Variants in PRKD1 observed in about 807,000 individuals in gnomAD.
PRKD1 encodes protein kinase D1, also known as serine/threonine-protein kinase D1.
A neutral mutation model predicts 95.9 loss-of-function variants in PRKD1; 63 were observed. That is an observed-to-expected ratio of 0.66 (90% confidence interval 0.54 to 0.81). The LOEUF is 0.81. Ranked by LOEUF, PRKD1 falls within the 30% of genes least tolerant of loss-of-function variation. PRKD1 has a pLI of 0.00. For missense variants in PRKD1, 1,048 were observed against 1,165.3 expected, an observed-to-expected ratio of 0.90 and a Z score of 1.47; for synonymous variants, 425 against 423.1, an observed-to-expected ratio of 1.00 and a Z score of -0.05.
chr14:29,847,106 G>A (rs1310030745), intron 1 of PRKD1, among the ~76,000 whole-genome samples: 1 of 152,114 alleles, frequency 6.6e-6, no homozygotes, highest in East Asian at 1.9e-4. Context: ...CTAACATTAT[G>A]CATTAGCTTC....
At chr14:29,669,971 C>T (rs1448449001) in intron 2 of PRKD1, among the ~76,000 whole-genome samples, 1 of 152,202 alleles carries the variant, frequency 6.6e-6, no homozygotes, top group Non-Finnish European at 1.5e-5. Flanking sequence ...GATCACTACT[C>T]ACAATCAGTT....
chr14:29,646,318 C>G (rs1594391671), intron 4 of PRKD1, among the ~76,000 whole-genome samples: 1 of 152,158 alleles, frequency 6.6e-6, no homozygotes, highest in East Asian at 1.9e-4. Context: ...CAAGTATTTG[C>G]TATCACAACA....
chr14:29,892,991 T>G (rs963475250), intron 1 of PRKD1, among the ~76,000 whole-genome samples: 28 of 152,210 alleles, frequency 1.8e-4, no homozygotes, highest in African/African-American at 6.8e-4. Flanking sequence ...CTCTATGAAT[T>G]TGAAACCCTT....
intron 13 of PRKD1, 85 bp downstream of exon 13, chr14:29,624,066 GT>G (rs1879454846): frequency 2.1e-6 from 2 of 954,516 alleles, no homozygotes; most frequent in African/African-American, 1.7e-5. Flanking sequence ...TATGCCACAG[GT>G]TTTTAGAGAA....
At chr14:29,682,232 A>G (rs1457261263) in intron 2 of PRKD1, among the ~76,000 whole-genome samples, 5 of 152,214 alleles carry the variant, frequency 3.3e-5, no homozygotes, top group African/African-American at 9.6e-5. Context: ...GGGAATATCA[A>G]CGTGGCTTGG....
intron 13 of PRKD1, among the ~76,000 whole-genome samples, chr14:29,605,381 C>A (rs1036696163): frequency 5.3e-5 from 8 of 152,160 alleles, no homozygotes; most frequent in Middle Eastern, 3.2e-3. Context: ...TGTCTCTTCA[C>A]CCAAATATCC....
intron 1 of PRKD1, among the ~76,000 whole-genome samples, chr14:29,837,875 T>C (rs1891671477): frequency 1.3e-5 from 2 of 152,212 alleles, no homozygotes; most frequent in South Asian, 4.1e-4. Context: ...AGCATTGCTG[T>C]AAAAAGCTTT....
intron 2 of PRKD1, among the ~76,000 whole-genome samples, chr14:29,679,478 C>T (rs1196585290): frequency 1.3e-5 from 2 of 152,098 alleles, no homozygotes. Flanking sequence ...ACAGCATCCT[C>T]CAGCATATTT....
intron 1 of PRKD1, among the ~76,000 whole-genome samples, chr14:29,883,948 C>A (rs1893605850): frequency 6.6e-6 from 1 of 152,158 alleles, no homozygotes; most frequent in Admixed American, 6.5e-5. Context: ...TTAACCTCCC[C>A]ATATGGTTGA....
chr14:29,578,366 A>G lies in PRKD1; in HGVS notation c.2435-6T>C. On this transcript the variant is annotated splice_region_variant and splice_polypyrimidine_tract_variant and intron_variant, in intron 16 of 17. Transcript: ENST00000331968. The stretch of plus-strand genomic sequence containing the variant: ...ATTGTTGATAAGATCAATGGCTGAA[A>G]AAAATTACCAGTAAAAATAGATGAC... 1 of 1,595,426 alleles carries G rather than the reference A, an allele frequency of 6.3e-7. No homozygotes were observed. Among genetic ancestry groups the G allele is most frequent in the East Asian group, 2.2e-5 (1 of 44,608 alleles).
chr14:29,860,226 A>G (rs1892658031), intron 1 of PRKD1, among the ~76,000 whole-genome samples: 1 of 152,242 alleles, frequency 6.6e-6, no homozygotes, highest in Non-Finnish European at 1.5e-5. Flanking sequence ...TAAAACAGGC[A>G]CCTTGTTTTT....
intron 4 of PRKD1, among the ~76,000 whole-genome samples, chr14:29,649,333 G>A (rs888250880): frequency 6.6e-6 from 1 of 152,158 alleles, no homozygotes; most frequent in Admixed American, 6.5e-5. Context: ...CCCTCCAGTG[G>A]TTCTTGCAAA....
intron 1 of PRKD1, among the ~76,000 whole-genome samples, chr14:29,885,718 G>A (rs1893677879): frequency 6.7e-6 from 1 of 148,780 alleles, no homozygotes; most frequent in African/African-American, 2.5e-5. Context: ...TTAATCCCCA[G>A]CATTTCGGAA....
Position 29,584,291 on chromosome 14 carries a change from T to C in PRKD1, c.2435-5931A>G, listed in dbSNP as rs950562307. ...GTGTAGATACAAAAGGTGTTTTGTA[T>C]GCAGAAGGTAGATTTACAGGTGTCA... On this transcript the variant is annotated intron_variant, in intron 16 of 17. Coordinates refer to ENST00000331968, the MANE Select transcript of PRKD1 (RefSeq NM_002742.3). Among the ~76,000 whole-genome samples the C allele has an allele frequency of 8.6e-5, 13 of 151,838 alleles. No individual in the cohort carries two copies. The East Asian group carries it at 1.2e-3, about 14-fold the overall frequency.
intron 1 of PRKD1, among the ~76,000 whole-genome samples, chr14:29,745,371 C>T (rs934455519): frequency 4.6e-5 from 7 of 152,132 alleles, no homozygotes; most frequent in Admixed American, 1.3e-4. Context: ...TCTGGTACAC[C>T]GTACATGCTC....
rs376089491 is a variant in PRKD1, at chr14:29,576,828, C to A, written c.*410G>T. 9.9e-6 allele frequency: 2 copies of A among 202,976 alleles called. No individual in the cohort carries two copies. The highest frequency in any genetic ancestry group is 1.1e-4 in the East Asian group (1 of 9,114). The allele number at this position is 202,976 out of a possible 1,614,324, so 12.6% of individuals were successfully genotyped here. A position where few individuals can be genotyped will look rare whatever the true frequency, so the allele number is the denominator to read the frequency against. On this transcript the variant is annotated 3_prime_UTR_variant, in exon 18 of 18. Transcript: ENST00000331968. ...TTGTTCATAGAACACTGGAAATAAT[C>A]GACTCTTCAAGAGTTTGTTTACAAT... is the stretch of plus-strand genomic sequence containing the variant.
intron 1 of PRKD1, among the ~76,000 whole-genome samples, chr14:29,796,889 T>C (rs1889841632): frequency 6.6e-6 from 1 of 152,216 alleles, no homozygotes; most frequent in African/African-American, 2.4e-5. Flanking sequence ...GCACAGAAGC[T>C]AGAAGGGCAA....
chr14:29,790,155 G>A (rs917696306), intron 1 of PRKD1, among the ~76,000 whole-genome samples: 1 of 151,864 alleles, frequency 6.6e-6, no homozygotes, highest in South Asian at 2.1e-4. Flanking sequence ...TGGACTACAG[G>A]TGCGTGCCAC....
At position 29,616,563 on chromosome 14, in the gene PRKD1, CCACCCAAG is replaced by C. The variant is rs571925525; in HGVS notation, c.1905+7581_1905+7588del. 4.3e-3 allele frequency among the ~76,000 whole-genome samples: 647 copies of C among 152,108 alleles called. 4 individuals are homozygous for C. The highest frequency in any genetic ancestry group is 0.015 in the African/African-American group (608 of 41,498). On this transcript the variant is annotated intron_variant, in intron 13 of 17. Transcript: ENST00000331968. ...GGCTCAAGTGATCCTCCTGCCTCAG[CCACCCAAG>C]TAGCTGAGACTACAGGTGCACACTA...
Sources: gnomAD v4.1 joint callset for allele counts (sites outside exome capture counted in the v4.1 genomes callset) on GRCh38, gnomAD v4.1.1 for gene constraint, MANE v1.5 for transcripts, NCBI Gene and HGNC (gene_info 2026-07-23, HGNC 2026-07-21) for gene names.